Variants in ARID5B observed in about 807,000 individuals in gnomAD.
ARID5B encodes AT-rich interaction domain 5B.
A neutral mutation model predicts 97.2 loss-of-function variants in ARID5B; 13 were observed. The observed-to-expected ratio is 0.13, with a 90% confidence interval of 0.09 to 0.21. The LOEUF is 0.21. ARID5B is among the 10% of genes least tolerant of loss of function. The pLI, the probability that ARID5B is intolerant of heterozygous loss-of-function variation, is 1.00. For synonymous variants in ARID5B, 556 were observed against 570.3 expected, an observed-to-expected ratio of 0.97 and a Z score of 0.36; for missense variants, 1,210 against 1,465.3, an observed-to-expected ratio of 0.83 and a Z score of 2.84.
chr10:61,941,450 T>C (rs1397766062), intron 3 of ARID5B, among the ~76,000 whole-genome samples: 2 of 152,098 alleles, frequency 1.3e-5, no homozygotes, highest in African/African-American at 4.8e-5. Context: ...GGCATCTTTT[T>C]CTTTCATTTG....
chr10:62,066,323 A>T (rs1027383005), intron 7 of ARID5B, among the ~76,000 whole-genome samples: 1 of 152,192 alleles, frequency 6.6e-6, no homozygotes, highest in African/African-American at 2.4e-5. Context: ...AGAGACCAAA[A>T]AAACAGAGAT....
intron 7 of ARID5B, among the ~76,000 whole-genome samples, chr10:62,064,738 G>T (rs1390642721): frequency 7.7e-6 from 1 of 129,754 alleles, no homozygotes; most frequent in Non-Finnish European, 1.9e-5. Context: ...GGGTTCTAAA[G>T]ACAATTTATT....
rs1410915532 is a variant in ARID5B at position 62,051,009 on chromosome 10, A to G, written c.846+9A>G. 1.3e-6 allele frequency: 2 copies of G among 1,599,984 alleles called. No individual in the cohort carries two copies. The highest frequency in any genetic ancestry group is 1.1e-5 in the South Asian group (1 of 90,756). On this transcript the variant is annotated intron_variant, in intron 5 of 9. Coordinates refer to ENST00000279873, the MANE Select transcript of ARID5B (RefSeq NM_032199.3). ...GCAAAGCCGTTGCCAAGGTACGGTC[A>G]TTCACTCCACGGTATTCATTTCGTT...
At chr10:62,055,611 G>A (rs998222662) in intron 5 of ARID5B, among the ~76,000 whole-genome samples, 4 of 152,126 alleles carry the variant, frequency 2.6e-5, no homozygotes, top group African/African-American at 4.8e-5. Context: ...CGGGATGTTC[G>A]CCTTCATATA....
rs1406382655 is a variant in ARID5B, at chr10:62,092,515, G to T, written c.3052G>T (p.Asp1018Tyr). ...GCGGCCGATCAAGCGCAGCCTGGAGGATTTGGACCTTGTGATTGCAGGGAA... is the reference window on the plus strand; with the variant it reads ...GCGGCCGATCAAGCGCAGCCTGGAGTATTTGGACCTTGTGATTGCAGGGAA... ...AARPIKRSLE[D>Y]LDLVIAGKKA... The change falls in exon 10 of 10, where the codon GAT (aspartate) becomes TAT (tyrosine). Residue 1018 changes from aspartate (D) to tyrosine (Y), a missense_variant. By Grantham distance (160) the Asp-to-Tyr change is radical. This residue lies in a region of ARID5B where 800 missense variants were observed against 839.1 expected (regional missense o/e 0.95). Transcript: ENST00000279873. The T allele has an allele frequency of 6.2e-7, 1 of 1,614,226 alleles. No individual in the cohort carries two copies. The highest frequency in any genetic ancestry group is 1.7e-5 in the Admixed American group (1 of 60,028).
At chr10:61,995,976 A>G (rs1838990217) in intron 3 of ARID5B, among the ~76,000 whole-genome samples, 1 of 152,144 alleles carries the variant, frequency 6.6e-6, no homozygotes, top group Non-Finnish European at 1.5e-5. Context: ...CAAAGTTATC[A>G]TTTGTGTTTT....
intron 3 of ARID5B, among the ~76,000 whole-genome samples, chr10:61,958,354 A>T (rs1178902908): frequency 6.6e-6 from 1 of 152,048 alleles, no homozygotes; most frequent in Admixed American, 6.5e-5. Context: ...TCAGCCTCGC[A>T]AATAGCTGTG....
At chr10:62,062,936 A>AATT (rs1839940836) in intron 7 of ARID5B, among the ~76,000 whole-genome samples, 1 of 152,138 alleles carries the variant, frequency 6.6e-6, no homozygotes, top group Non-Finnish European at 1.5e-5. Flanking sequence ...TTTGGTACAC[A>AATT]ATTGTCTCAC....
At chr10:61,970,458 G>A (rs907240024) in intron 3 of ARID5B, among the ~76,000 whole-genome samples, 17 of 152,166 alleles carry the variant, frequency 1.1e-4, no homozygotes, top group Admixed American at 1.1e-3. Context: ...TCTTATTGTA[G>A]ATTAAATGTA....
chr10:62,078,612 G>C (rs891345204), intron 8 of ARID5B, among the ~76,000 whole-genome samples: 3 of 152,172 alleles, frequency 2.0e-5, no homozygotes, highest in Non-Finnish European at 2.9e-5. Context: ...TAGAGGGCTA[G>C]GCACCATGCA....
Position 62,054,028 on chromosome 10 carries a change from C to G in ARID5B, c.846+3028C>G, listed in dbSNP as rs142858075. Among the ~76,000 whole-genome samples the G allele has an allele frequency of 1.7e-3, 255 of 152,236 alleles. 1 individual carries two copies. Among genetic ancestry groups the G allele is most frequent in the African/African-American group, 6.0e-3 (248 of 41,538 alleles). ...AAGGCTGGATTAGTTATAACTCAAT[C>G]CCGTGGAAGGATGTGGTTAATATCA... On this transcript the variant is annotated intron_variant, in intron 5 of 9. Transcript: ENST00000279873.
intron 4 of ARID5B, among the ~76,000 whole-genome samples, chr10:62,017,853 G>A (rs781436394): frequency 5.9e-5 from 9 of 152,080 alleles, no homozygotes; most frequent in Non-Finnish European, 1.2e-4. Context: ...TAAAATATTT[G>A]TACACTGAGC....
At chr10:61,905,762 G>A (rs1564596997) in intron 2 of ARID5B, among the ~76,000 whole-genome samples, 1 of 152,188 alleles carries the variant, frequency 6.6e-6, no homozygotes, top group Non-Finnish European at 1.5e-5. Flanking sequence ...GTCACCAGAT[G>A]TCTAGGTAGC....
chr10:62,049,018 C>G (rs761162610), intron 4 of ARID5B, among the ~76,000 whole-genome samples: 1 of 152,218 alleles, frequency 6.6e-6, no homozygotes, highest in Non-Finnish European at 1.5e-5. Context: ...GCACTTGGGT[C>G]AGTTGTGGAA....
At position 61,992,032 on chromosome 10, in the gene ARID5B, CA is replaced by C. The variant is rs372912200; in HGVS notation, c.503-8046del. 1.5e-3 allele frequency among the ~76,000 whole-genome samples: 209 copies of C among 135,162 alleles called. 1 individual carries two copies. Among genetic ancestry groups the C allele is most frequent in the Admixed American group, 2.8e-3 (37 of 13,390 alleles). 88.7% of individuals were successfully genotyped at this position (135,162 alleles called of 152,430 possible). On this transcript the variant is annotated intron_variant, in intron 3 of 9. Coordinates refer to ENST00000279873, the MANE Select transcript of ARID5B (RefSeq NM_032199.3). ...GGGCAACAATAGCGAAACTCTGTCTCAAAAAAAAAAAAAGTGAATGGCTGAC... is the reference window on the plus strand; with the variant it reads ...GGGCAACAATAGCGAAACTCTGTCTCAAAAAAAAAAAAGTGAATGGCTGAC...
intron 7 of ARID5B, among the ~76,000 whole-genome samples, chr10:62,061,382 T>C (rs1313631811): frequency 6.6e-6 from 1 of 151,978 alleles, no homozygotes; most frequent in Non-Finnish European, 1.5e-5. Flanking sequence ...TATATGGAGG[T>C]AGAATAAGGT....
chr10:62,050,934 A>C lies in ARID5B; in HGVS notation c.780A>C (p.Gln260His), dbSNP rs927711471. 3 of 1,614,096 alleles carry C rather than the reference A, an allele frequency of 1.9e-6. No homozygotes were observed. The highest frequency in any genetic ancestry group is 2.5e-6 in the Non-Finnish European group (3 of 1,180,024). Residue 260 changes from glutamine to histidine, a missense_variant, in exon 5 of 10, where the codon CAA (glutamine) becomes CAC (histidine). By Grantham distance (24) the Gln-to-His change is conservative (BLOSUM62 0). This residue lies in a region of ARID5B where 132 missense variants were observed against 156.7 expected (regional missense o/e 0.84). Transcript: ENST00000279873. ...CACGCAAAAAGAAACCATGCCCACAAAGAAGAGATTCATTCAGTGGTGTTA... is the reference window on the plus strand; with the variant it reads ...CACGCAAAAAGAAACCATGCCCACACAGAAGAGATTCATTCAGTGGTGTTA... ...GRPRKKKPCP[Q>H]RRDSFSGVKD...
intron 2 of ARID5B, among the ~76,000 whole-genome samples, chr10:61,920,551 G>C (rs1423106241): frequency 6.6e-6 from 1 of 151,970 alleles, no homozygotes; most frequent in Non-Finnish European, 1.5e-5. Context: ...GGCCAGGCTG[G>C]TCTCGAACTC....
At chr10:62,050,392 T>A (rs548731269) in intron 4 of ARID5B, among the ~76,000 whole-genome samples, 2 of 152,234 alleles carry the variant, frequency 1.3e-5, no homozygotes, top group South Asian at 4.1e-4. Context: ...TCTCTCTACT[T>A]ATCTGTATGG....
Sources: gnomAD v4.1 joint callset for allele counts (sites outside exome capture counted in the v4.1 genomes callset) on GRCh38, gnomAD v4.1.1 for gene constraint, gnomAD v4.1.1 regional missense constraint, MANE v1.5 for transcripts, NCBI Gene and HGNC (gene_info 2026-07-23, HGNC 2026-07-21) for gene names.